C4orf36: variants seen among roughly 807,000 people sequenced by gnomAD.
The protein encoded by C4orf36 is chromosome 4 open reading frame 36, also known as uncharacterized protein C4orf36.
Under a neutral mutation model 12.2 loss-of-function variants are expected in C4orf36, and 11 were observed. That is an observed-to-expected ratio of 0.90 (90% CI 0.57 to 1.49). The LOEUF is 1.49. C4orf36 is among the 40% of genes most tolerant of loss of function. C4orf36 has a pLI of 0.00. For synonymous variants in C4orf36, 54 were observed against 51.3 expected (o/e 1.05, Z -0.22); for missense variants, 137 against 133.9 (o/e 1.02, Z -0.11).
chr4:86,926,592 G>A, the C4orf36 span, among the ~76,000 whole-genome samples: 1 of 152,212 alleles, frequency 6.6e-6, no homozygotes, highest in East Asian at 1.9e-4. Flanking sequence ...CTCCGGGTTG[G>A]CCACTCCTAG....
intron 2 of C4orf36, 82 bp from the exon 3 acceptor site, chr4:86,888,357 G>A: frequency 1.5e-6 from 2 of 1,373,906 alleles, no homozygotes; most frequent in East Asian, 2.3e-5. Flanking sequence ...TTAATTCTCA[G>A]TTCCATTTGC....
chr4:86,904,504 C>T, the C4orf36 span, among the ~76,000 whole-genome samples: 2 of 149,116 alleles, frequency 1.3e-5, no homozygotes, highest in Non-Finnish European at 3.0e-5. Flanking sequence ...ATCGCTTGAA[C>T]CTCGGAGGGG....
At position 86,892,230 on chromosome 4, in the gene C4orf36, G is replaced by C; in HGVS notation, c.-121C>G. 1.0e-6 allele frequency: 1 copy of C among 985,732 alleles called. No homozygotes were observed. Among genetic ancestry groups the C allele is most frequent in the Non-Finnish European group, 1.2e-6 (1 of 830,178 alleles). The allele number at this position is 985,732 out of a possible 1,614,324, so 61.1% of individuals were successfully genotyped here. On this transcript the variant is annotated 5_prime_UTR_variant, in exon 1 of 5. Coordinates refer to ENST00000295898, the MANE Select transcript of C4orf36 (RefSeq NM_144645.4). The stretch of plus-strand genomic sequence containing the variant: ...CTCGCCAGGAATGCGCTGTGTGCGC[G>C]GGGCTTCCAGGGTGGCGGGTCCCCG...
At chr4:86,934,737 G>C in the C4orf36 span, 1 of 152,290 alleles carries the variant, frequency 6.6e-6, no homozygotes, top group Non-Finnish European at 1.5e-5. Context: ...TAAAGTGAAA[G>C]GGTTCTTGCG....
the C4orf36 span, chr4:86,932,385 C>A: frequency 6.7e-6 from 1 of 149,756 alleles, no homozygotes; most frequent in African/African-American, 2.5e-5. Context: ...ATATACTTTG[C>A]GAGAATAAGT....
At chr4:86,890,881 A>C (rs1747380624) in intron 2 of C4orf36, among the ~76,000 whole-genome samples, 2 of 152,246 alleles carry the variant, frequency 1.3e-5, no homozygotes, top group Admixed American at 1.3e-4. Context: ...TGCATCTTGC[A>C]GATGCAGAGA....
upstream of C4orf36, among the ~76,000 whole-genome samples, chr4:86,895,597 C>A (rs1747572073): frequency 6.6e-6 from 1 of 152,224 alleles, no homozygotes; most frequent in Non-Finnish European, 1.5e-5. Flanking sequence ...TCTGCCACTT[C>A]CCCACATGTA....
chr4:86,882,579 T>A (rs1022307147), intron 4 of C4orf36, among the ~76,000 whole-genome samples: 1 of 152,154 alleles, frequency 6.6e-6, no homozygotes, highest in Admixed American at 6.5e-5. Flanking sequence ...ACAACTCTGA[T>A]TGAGCAGAGG....
the C4orf36 span, chr4:86,932,110 G>C: frequency 6.6e-6 from 1 of 151,902 alleles, no homozygotes; most frequent in South Asian, 2.1e-4. Context: ...ACTTTAGGAG[G>C]CGAAGATGGG....
chr4:86,905,871 C>A, the C4orf36 span, among the ~76,000 whole-genome samples: 1 of 152,104 alleles, frequency 6.6e-6, no homozygotes, highest in Admixed American at 6.6e-5. Context: ...CCCACCATCA[C>A]GCCCAGCTGA....
rs375200149 is a variant in C4orf36, at chr4:86,888,292, T to G, written c.66-17A>C. 22 of 1,610,560 alleles carry G rather than the reference T, an allele frequency of 1.4e-5. No individual in the cohort carries two copies. The highest frequency in any genetic ancestry group is 4.0e-5 in the African/African-American group (3 of 74,846). ...GGTTCCTGTCTGGGGCAAAAATTCA[T>G]TAATCCATTCAATAAATATTGATTA... is the stretch of plus-strand genomic sequence containing the variant. On this transcript the variant is annotated splice_polypyrimidine_tract_variant and intron_variant, in intron 2 of 4. Transcript: ENST00000295898.
the C4orf36 span, among the ~76,000 whole-genome samples, chr4:86,930,354 T>C: frequency 1.3e-5 from 2 of 152,266 alleles, no homozygotes; most frequent in African/African-American, 2.4e-5. Context: ...ATTTTGTGTA[T>C]AGTGTTAAGA....
chr4:86,887,929 A>C, intron 3 of C4orf36, 36 bp from the exon 4 acceptor site: 1 of 1,612,076 alleles, frequency 6.2e-7, no homozygotes, highest in Non-Finnish European at 8.5e-7. Flanking sequence ...TCTGACATAC[A>C]TTTTTCATCA....
At chr4:86,931,754 C>T in the C4orf36 span, among the ~76,000 whole-genome samples, 5 of 152,040 alleles carry the variant, frequency 3.3e-5, no homozygotes, top group South Asian at 4.1e-4. Flanking sequence ...TTATTTGTTC[C>T]GCCAGGTGTG....
intron 4 of C4orf36, among the ~76,000 whole-genome samples, chr4:86,878,063 A>G (rs6811350): frequency 0.17 from 25,216 of 151,860 alleles, 2,390 homozygotes; most frequent in Middle Eastern, 0.2. Flanking sequence ...GAAATTTTCC[A>G]CAATAACGAG....
the C4orf36 span, chr4:86,934,945 G>A: frequency 1.3e-5 from 2 of 152,046 alleles, no homozygotes; most frequent in Non-Finnish European, 2.9e-5. Flanking sequence ...GTGGGGGTGG[G>A]GGCGGGGCCT....
rs1490203345 is a variant in C4orf36, at chr4:86,891,352, G to T, written c.65+104C>A. 8 of 972,470 alleles carry T rather than the reference G, an allele frequency of 8.2e-6. 1 individual carries two copies. The highest frequency in any genetic ancestry group is 2.2e-5 in the Admixed American group (1 of 46,300). The allele number at this position is 972,470 out of a possible 1,614,324, so 60.2% of individuals were successfully genotyped here. A position where few individuals can be genotyped will look rare whatever the true frequency, so the allele number is the denominator to read the frequency against. ...ACCTCAAAATACTTCACATAGCCCAGTATCTCATGGGGAGCACAGAGTGTC... is the reference window on the plus strand; with the variant it reads ...ACCTCAAAATACTTCACATAGCCCATTATCTCATGGGGAGCACAGAGTGTC... On this transcript the variant is annotated intron_variant, in intron 2 of 4. Transcript: ENST00000295898.
At chr4:86,879,512 A>C (rs1746996433) in intron 4 of C4orf36, among the ~76,000 whole-genome samples, 1 of 152,214 alleles carries the variant, frequency 6.6e-6, no homozygotes. Flanking sequence ...GAAAGAATGA[A>C]GAAAAGTGAA....
At chr4:86,910,232 AG>A in the C4orf36 span, among the ~76,000 whole-genome samples, 1 of 151,912 alleles carries the variant, frequency 6.6e-6, no homozygotes, top group Admixed American at 6.6e-5. Flanking sequence ...ACTTGAGACC[AG>A]GAGTTTGCGT....
Sources: allele counts gnomAD v4.1 joint callset (sites outside exome capture counted in the v4.1 genomes callset), GRCh38; gene constraint gnomAD v4.1.1; transcripts MANE v1.5; gene names NCBI Gene and HGNC (gene_info 2026-07-23, HGNC 2026-07-21).